The following PPP6R2 variants were observed in gnomAD, a reference collection of about 807,000 sequenced individuals.
The protein encoded by PPP6R2 is protein phosphatase 6 regulatory subunit 2.
PPP6R2 carries 62 observed loss-of-function variants against 100.2 expected under a neutral mutation model. The observed-to-expected ratio is 0.62, with a 90% CI of 0.50 to 0.76. The LOEUF (loss-of-function observed/expected upper bound fraction) is 0.76. Among genes scored for constraint, PPP6R2 ranks in the 30% least tolerant of loss-of-function variants. The pLI, the probability that PPP6R2 is intolerant of heterozygous loss-of-function variation, is 0.00. For missense variants in PPP6R2, 1,142 were observed against 1,276.3 expected, an observed-to-expected ratio of 0.89 and a Z score of 1.60; for synonymous variants, 525 against 514.7, an observed-to-expected ratio of 1.02 and a Z score of -0.27.
upstream of PPP6R2, among the ~76,000 whole-genome samples, chr22:50,338,640 GTC>G (rs2042330854): frequency 7.0e-6 from 1 of 143,414 alleles, no homozygotes. Context: ...GGTGTGTGGT[GTC>G]TGTGGTATGT....
intron 2 of PPP6R2, among the ~76,000 whole-genome samples, chr22:50,373,093 C>A (rs965606907): frequency 2.0e-5 from 3 of 152,104 alleles, no homozygotes; most frequent in African/African-American, 7.2e-5. Flanking sequence ...TACACTGTCA[C>A]AGTTGCCATT....
Position 50,385,602 on chromosome 22 carries a change from C to G in PPP6R2, c.-16-8291C>G, listed in dbSNP as rs180884921. On this transcript the variant is annotated intron_variant, in intron 2 of 23. Coordinates refer to ENST00000612753, the MANE Select transcript of PPP6R2 (RefSeq NM_001242898.2). Reference sequence around the variant, plus strand: ...GCTATCTCGGCTCACTGCAACCTCTCCCTCCCGGGTTCAAGCGATTCTCCT... The same window carrying G: ...GCTATCTCGGCTCACTGCAACCTCTGCCTCCCGGGTTCAAGCGATTCTCCT... Among the ~76,000 whole-genome samples the G allele has an allele frequency of 8.9e-3, 1,332 of 149,146 alleles. 28 individuals are homozygous for G. The highest frequency in any genetic ancestry group is 0.031 in the African/African-American group (1,262 of 40,386).
intron 1 of PPP6R2, among the ~76,000 whole-genome samples, chr22:50,366,311 CTTTT>C (rs556380235): frequency 2.2e-5 from 3 of 137,578 alleles, no homozygotes; most frequent in Non-Finnish European, 4.8e-5. Flanking sequence ...TCCCTCTCAT[CTTTT>C]TTTTTTTTTT....
At chr22:50,356,124 G>A (rs1294576257) in intron 1 of PPP6R2, among the ~76,000 whole-genome samples, 2 of 150,586 alleles carry the variant, frequency 1.3e-5, no homozygotes, top group African/African-American at 4.9e-5. Context: ...CACCACGCCC[G>A]GCTAATTTTT....
chr22:50,365,510 C>G (rs1039986048), intron 1 of PPP6R2, among the ~76,000 whole-genome samples: 2 of 151,774 alleles, frequency 1.3e-5, no homozygotes, highest in Non-Finnish European at 2.9e-5. Flanking sequence ...AACCTCGTCT[C>G]TACTAAAAAA....
rs182640100 is a variant in PPP6R2 at position 50,401,778 on chromosome 22, G to A, written c.228-4911G>A. Among the ~76,000 whole-genome samples the A allele has an allele frequency of 3.0e-3, 448 of 151,572 alleles. 1 individual carries two copies. The highest frequency in any genetic ancestry group is 1.0e-2 in the African/African-American group (411 of 41,300). The stretch of plus-strand genomic sequence containing the variant: ...CTGCCTCAGCCTCTTGAGTACAGGC[G>A]CCTGCCACCACGCCCGGCTAATTTT... On this transcript the variant is annotated intron_variant, in intron 3 of 23. Coordinates refer to ENST00000612753, the MANE Select transcript of PPP6R2 (RefSeq NM_001242898.2).
chr22:50,404,601 T>A (rs1308557023), intron 3 of PPP6R2, among the ~76,000 whole-genome samples: 4 of 67,358 alleles, frequency 5.9e-5, no homozygotes, highest in Non-Finnish European at 1.4e-4. Context: ...TCTTTCTTGT[T>A]TTTTTTTTTT....
At chr22:50,368,233 C>G (rs1377539131) in intron 1 of PPP6R2, among the ~76,000 whole-genome samples, 2 of 152,182 alleles carry the variant, frequency 1.3e-5, no homozygotes, top group African/African-American at 4.8e-5. Flanking sequence ...GCGGGCCTGA[C>G]TGATGTCAGG....
At chr22:50,427,769 G>A (rs1373740796) in intron 10 of PPP6R2, among the ~76,000 whole-genome samples, 1 of 152,122 alleles carries the variant, frequency 6.6e-6, no homozygotes, top group Non-Finnish European at 1.5e-5. Flanking sequence ...CGCCCAGGCT[G>A]GAGTGCAGTG....
intron 15 of PPP6R2, 128 bp from the exon 16 acceptor site, chr22:50,437,378 C>T (rs1442847350): frequency 8.5e-6 from 6 of 702,342 alleles, no homozygotes; most frequent in African/African-American, 3.5e-5. Context: ...AGTTTACTGC[C>T]CACTTGTGCT....
intron 2 of PPP6R2, among the ~76,000 whole-genome samples, chr22:50,390,370 C>T (rs900303582): frequency 6.6e-6 from 1 of 152,078 alleles, no homozygotes; most frequent in African/African-American, 2.4e-5. Flanking sequence ...AAAGGACATA[C>T]CAAACATGAA....
At chr22:50,420,120 A>G (rs1313637432) in intron 8 of PPP6R2, among the ~76,000 whole-genome samples, 1 of 152,230 alleles carries the variant, frequency 6.6e-6, no homozygotes. Context: ...GTCTGTGGAC[A>G]GCGAGGGTGA....
intron 1 of PPP6R2, among the ~76,000 whole-genome samples, chr22:50,347,995 G>A (rs1407703863): frequency 6.6e-6 from 1 of 152,170 alleles, no homozygotes; most frequent in Non-Finnish European, 1.5e-5. Context: ...GAATGTGAGA[G>A]GCAGCTAGCT....
At chr22:50,418,805 A>C (rs1283203927) in intron 6 of PPP6R2, 62 bp from the exon 7 acceptor site, 1 of 1,337,366 alleles carries the variant, frequency 7.5e-7, no homozygotes, top group African/African-American at 1.4e-5. Flanking sequence ...TGTGCCCAGC[A>C]GGGCTGGTCC....
intron 5 of PPP6R2, among the ~76,000 whole-genome samples, chr22:50,415,712 C>T (rs2060441021): frequency 6.6e-6 from 1 of 152,228 alleles, no homozygotes; most frequent in Non-Finnish European, 1.5e-5. Flanking sequence ...AGTTACTCTT[C>T]CTCAACATGG....
intron 1 of PPP6R2, among the ~76,000 whole-genome samples, chr22:50,370,346 G>A (rs983513974): frequency 1.3e-5 from 2 of 152,134 alleles, no homozygotes; most frequent in Non-Finnish European, 2.9e-5. Context: ...GGAGTGCAAT[G>A]GCGCGATCTC....
chr22:50,406,749 C>A lies in PPP6R2; in HGVS notation c.288C>A (p.Leu96=), dbSNP rs200665748. The change falls in exon 4 of 24, where the codon CTC becomes CTA. Residue 96 remains leucine (L), a synonymous_variant. Coordinates refer to ENST00000612753, the MANE Select transcript of PPP6R2 (RefSeq NM_001242898.2). Reference sequence around the variant, plus strand: ...ATGTGCCGCAGATCAGCGACCGCCTCGGTGGGGACGAGAGCCTGCTGAGCC... The same window carrying A: ...ATGTGCCGCAGATCAGCGACCGCCTAGGTGGGGACGAGAGCCTGCTGAGCC... The part of the protein sequence containing the change: ...TCDVPQISDR[L]GGDESLLSLL... 1 of 1,613,960 alleles carries A rather than the reference C, an allele frequency of 6.2e-7. No individual in the cohort carries two copies. Among genetic ancestry groups the A allele is most frequent in the Non-Finnish European group, 8.5e-7 (1 of 1,179,996 alleles).
chr22:50,341,259 G>A (rs370298570), upstream of PPP6R2, among the ~76,000 whole-genome samples: 3 of 151,826 alleles, frequency 2.0e-5, no homozygotes, highest in African/African-American at 7.3e-5. Context: ...GGGCTGGAAT[G>A]AAGTGGCAAC....
chr22:50,419,362 G>C lies in PPP6R2; in HGVS notation c.745G>C (p.Glu249Gln). The C allele has an allele frequency of 6.2e-7, 1 of 1,614,170 alleles. No individual in the cohort carries two copies. Among genetic ancestry groups the C allele is most frequent in the East Asian group, 2.2e-5 (1 of 44,888 alleles). Reference protein sequence around the residue: ...LTALESQDCVEQLLKNMFDGD... With the variant: ...LTALESQDCVQQLLKNMFDGD... ...TGTGTCCAGCAGGCAGGACTGTGTG[G>C]AGCAGCTTCTGAAGAACATGTTTGA... The change falls in exon 8 of 24, where the codon GAG becomes CAG. Residue 249 changes from glutamate (E) to glutamine (Q), a missense_variant. This residue lies in a region of PPP6R2 where 592 missense variants were observed against 758.9 expected (regional missense o/e 0.78). Transcript: ENST00000612753.
Sources: allele counts gnomAD v4.1 joint callset (sites outside exome capture counted in the v4.1 genomes callset), GRCh38; gene constraint gnomAD v4.1.1; regional missense constraint gnomAD v4.1.1; transcripts MANE v1.5; gene names NCBI Gene and HGNC (gene_info 2026-07-23, HGNC 2026-07-21).